The following ATG16L2 variants were observed in gnomAD, a reference collection of about 807,000 sequenced individuals.
The protein encoded by ATG16L2 is autophagy related 16 like 2.
A neutral mutation model predicts 84.7 loss-of-function variants in ATG16L2; 77 were observed. That is an observed-to-expected ratio of 0.91 (90% CI 0.76 to 1.10). ATG16L2 has a LOEUF of 1.10. Ranked by LOEUF, ATG16L2 falls within the 50% of genes least tolerant of loss-of-function variation. The probability of loss-of-function intolerance (pLI) is 0.00; values close to 1 mark genes in which losing one functional copy is unlikely to be tolerated. For missense variants in ATG16L2, 782 were observed against 817.6 expected (o/e 0.96, Z 0.53); for synonymous variants, 361 against 342.8 (o/e 1.05, Z -0.59).
At position 72,816,790 on chromosome 11, in the gene ATG16L2, CCAAA is replaced by C; in HGVS notation, c.184_187del (p.Asn62ValfsTer27). On this transcript the variant is annotated frameshift_variant, in exon 2 of 18. Transcript: ENST00000321297. LOFTEE classifies it high-confidence loss of function. ...GTTCTCAAAGAAGCTGCAGCCGGAG[CCAAA>C]CAGTGTCACTCCCACCACCCACCAG... 6.2e-7 allele frequency: 1 copy of C among 1,614,232 alleles called. No individual in the cohort carries two copies. The highest frequency in any genetic ancestry group is 8.5e-7 in the Non-Finnish European group (1 of 1,180,032).
In ATG16L2 at chr11:72,825,332, C is replaced by T. The variant is rs143377298; in HGVS notation, c.1027C>T (p.Arg343Cys). 56 of 1,613,454 alleles carry T rather than the reference C, an allele frequency of 3.5e-5. No individual in the cohort carries two copies. Among genetic ancestry groups the T allele is most frequent in the Non-Finnish European group, 4.4e-5 (52 of 1,179,980 alleles). Residue 343 changes from arginine to cysteine, a missense_variant, in exon 10 of 18, where the codon CGT (arginine) becomes TGT (cysteine). Transcript: ENST00000321297. ...CCACCTCTCTGAGGTCAATGCTGTTCGTTTTGGCCCCAACAGCAGCCTCCT... is the reference window on the plus strand; with the variant it reads ...CCACCTCTCTGAGGTCAATGCTGTTTGTTTTGGCCCCAACAGCAGCCTCCT... ...DAHLSEVNAV[R>C]FGPNSSLLAT...
At chr11:72,837,492 G>A (rs1029649350) in intron 5 of ATG16L2, 2 of 150,794 alleles carry the variant, frequency 1.3e-5, no homozygotes, top group South Asian at 2.1e-4. Context: ...AACCACAACC[G>A]GCGAACATCC....
chr11:72,836,323 G>A (rs1464880022), intron 5 of ATG16L2, among the ~76,000 whole-genome samples: 1 of 152,158 alleles, frequency 6.6e-6, no homozygotes, highest in Non-Finnish European at 1.5e-5. Context: ...TAGGAAAGGG[G>A]AGAGGCATCC....
Position 72,822,075 on chromosome 11 carries a change from C to A in ATG16L2, c.424C>A (p.Leu142Met), listed in dbSNP as rs1860027908. The A allele has an allele frequency of 1.3e-6, 2 of 1,528,176 alleles. No individual in the cohort carries two copies. Among genetic ancestry groups the A allele is most frequent in the East Asian group, 2.5e-5 (1 of 40,442 alleles). 94.7% of individuals were successfully genotyped at this position (1,528,176 alleles called of 1,614,324 possible). A position where few individuals can be genotyped will look rare whatever the true frequency, so the allele number is the denominator to read the frequency against. The change falls in exon 5 of 18, where the codon CTG becomes ATG. Residue 142 changes from leucine (L) to methionine (M), a missense_variant. Leu to Met is a conservative substitution (Grantham distance 15). Transcript: ENST00000321297. The surrounding 1 kb of genome is among the most constrained non-coding windows in gnomAD (Gnocchi z 4.2). ...LAALEARVAQ[L>M]REARAQQAQQ... Reference sequence around the variant, plus strand: ...AGCCCTGGAGGCCCGCGTGGCGCAGCTGCGAGAGGCGCGGGCGCAGCAGGC... The same window carrying A: ...AGCCCTGGAGGCCCGCGTGGCGCAGATGCGAGAGGCGCGGGCGCAGCAGGC...
Position 72,816,759 on chromosome 11 carries a change from G to T in ATG16L2, c.150G>T (p.Leu50=), listed in dbSNP as rs750620083. 3 of 1,614,196 alleles carry T rather than the reference G, an allele frequency of 1.9e-6. No homozygotes were observed. In the Admixed American group the frequency reaches 5.0e-5, roughly 27 times the overall value. Residue 50 remains leucine, a synonymous_variant, in exon 2 of 18, where the codon CTG becomes CTT. Transcript: ENST00000321297. ...YNHLLEKAEL[L]DKFSKKLQPE... ...ATCTCTTAGAGAAGGCTGAGCTGCT[G>T]GACAAGTTCTCAAAGAAGCTGCAGC...
rs757189973 is a variant in ATG16L2, at chr11:72,841,559, C to T, written c.*22-1058C>T. ...TACAACGGCAGTGGAGGCAGGGAGGCGTGTGGCTTGGGGGAAGGAGAGATC... is the reference window on the plus strand; with the variant it reads ...TACAACGGCAGTGGAGGCAGGGAGGTGTGTGGCTTGGGGGAAGGAGAGATC... On this transcript the variant is annotated intron_variant, in intron 5 of 5. Transcript: ENST00000534905. The T allele has an allele frequency of 1.4e-5, 22 of 1,609,148 alleles. No homozygotes were observed. The highest frequency in any genetic ancestry group is 1.4e-4 in the Admixed American group (8 of 59,096).
At chr11:72,821,829 G>T in intron 4 of ATG16L2, 88 bp downstream of exon 4, 1 of 1,481,412 alleles carries the variant, frequency 6.8e-7, no homozygotes, top group Non-Finnish European at 9.0e-7. Context: ...AATGGCGCGG[G>T]CCGAGATCTT....
chr11:72,828,934 C>G lies in ATG16L2; in HGVS notation c.1722C>G (p.Ile574Met). The change falls in exon 17 of 18, where the codon ATC (isoleucine) becomes ATG (methionine). Residue 574 changes from isoleucine to methionine, a missense_variant. Coordinates refer to ENST00000321297, the MANE Select transcript of ATG16L2 (RefSeq NM_033388.2). ...LAGSCDGALY[I>M]WDVDTGKLES... is the part of the protein sequence containing the mutation. ...GCTCCTGTGATGGGGCCCTTTACAT[C>G]TGGGATGTGGACACCGGGAAACTGG... 1 of 1,614,174 alleles carries G rather than the reference C, an allele frequency of 6.2e-7. No homozygotes were observed. The highest frequency in any genetic ancestry group is 8.5e-7 in the Non-Finnish European group (1 of 1,180,016).
At chr11:72,827,755 A>G (rs1243732354) in intron 14 of ATG16L2, among the ~76,000 whole-genome samples, 3 of 152,124 alleles carry the variant, frequency 2.0e-5, no homozygotes, top group South Asian at 4.1e-4. Context: ...CCTAGCCAAC[A>G]TGGCGAAACC....
intron 7 of ATG16L2, 115 bp from the exon 8 acceptor site, chr11:72,823,945 C>A (rs1860173133): frequency 8.5e-7 from 1 of 1,178,096 alleles, no homozygotes. Context: ...AGTTCTTATC[C>A]CAGACTTGAG....
Position 72,821,718 on chromosome 11 carries a change from G to T in ATG16L2, c.369G>T (p.Ser123=). Residue 123 remains serine, a synonymous_variant, in exon 4 of 18, where the codon TCG becomes TCT. Coordinates refer to ENST00000321297, the MANE Select transcript of ATG16L2 (RefSeq NM_033388.2). ...GCGCGGCCCTGGGCACGCTGGAGTC[G>T]GAGCTGCAGCAGAGGCAAAGCAGGT... is the stretch of plus-strand genomic sequence containing the variant. ...EKGAALGTLE[S]ELQQRQSRLA... The T allele has an allele frequency of 6.5e-7, 1 of 1,537,664 alleles. No homozygotes were observed.
rs1409939452 is a variant in ATG16L2 at position 72,822,141 on chromosome 11, C to T, written c.490C>T (p.Arg164Trp). The change falls in exon 5 of 18, where the codon CGG becomes TGG. Residue 164 changes from arginine to tryptophan, a missense_variant. Transcript: ENST00000321297. The surrounding 1 kb of genome is among the most constrained non-coding windows in gnomAD (Gnocchi z 4.2). The stretch of plus-strand genomic sequence containing the variant: ...GTGGCGGGCGCAGAATGCGGTGCAG[C>T]GGGCAGCCTACGAGGCGCTGCGCGC... ...EEWRAQNAVQ[R>W]AAYEALRAHV... The T allele has an allele frequency of 8.0e-6, 12 of 1,500,528 alleles. No homozygotes were observed. Among genetic ancestry groups the T allele is most frequent in the East Asian group, 2.5e-5 (1 of 39,384 alleles). 93.0% of individuals were successfully genotyped at this position (1,500,528 alleles called of 1,614,324 possible). A position where few individuals can be genotyped will look rare whatever the true frequency, so the allele number is the denominator to read the frequency against.
chr11:72,826,098 C>A, intron 10 of ATG16L2, 75 bp from the exon 11 acceptor site: 2 of 1,261,054 alleles, frequency 1.6e-6, no homozygotes, highest in Admixed American at 4.0e-5. Context: ...ACTGATCTTC[C>A]GCTCTCAATC....
chr11:72,828,034 T>G (rs1048762179), intron 14 of ATG16L2, among the ~76,000 whole-genome samples: 1 of 152,246 alleles, frequency 6.6e-6, no homozygotes, highest in East Asian at 1.9e-4. Context: ...CTCCAGCAAT[T>G]ACTGTTTGCA....
In ATG16L2 at chr11:72,836,447, T is replaced by C. The variant is rs1159572720; in HGVS notation, c.*22-6170T>C. Among the ~76,000 whole-genome samples the C allele has an allele frequency of 2.6e-5, 4 of 152,148 alleles. No individual in the cohort carries two copies. The East Asian group carries it at 7.7e-4, about 29-fold the overall frequency. Reference sequence around the variant, plus strand: ...GCTCCCTCCTCAGCTGCCTCTATGCTATCTGCCCCTCCCTTCTAGCACATG... The same window carrying C: ...GCTCCCTCCTCAGCTGCCTCTATGCCATCTGCCCCTCCCTTCTAGCACATG... On this transcript the variant is annotated intron_variant, in intron 5 of 5. Coordinates refer to the ATG16L2 transcript ENST00000534905.
At position 72,822,659 on chromosome 11, in the gene ATG16L2, T is replaced by A; in HGVS notation, c.710+116T>A. On this transcript the variant is annotated intron_variant, in intron 6 of 17. Transcript: ENST00000321297. This position sits in a 1 kb window ranked among gnomAD's most constrained non-coding sequence, Gnocchi z 4.2. ...ACAGCCCCGTCCTGAGGCCCCCATGTGGTCGGAGCCCACGAGACACCTGCA... is the reference window on the plus strand; with the variant it reads ...ACAGCCCCGTCCTGAGGCCCCCATGAGGTCGGAGCCCACGAGACACCTGCA... 7.2e-7 allele frequency: 1 copy of A among 1,395,254 alleles called. No individual in the cohort carries two copies. Among genetic ancestry groups the A allele is most frequent in the Non-Finnish European group, 9.8e-7 (1 of 1,023,668 alleles). 86.4% of individuals were successfully genotyped at this position (1,395,254 alleles called of 1,614,324 possible).
chr11:72,840,313 A>T (rs1399098575), intron 5 of ATG16L2, among the ~76,000 whole-genome samples: 1 of 152,212 alleles, frequency 6.6e-6, no homozygotes, highest in Non-Finnish European at 1.5e-5. Context: ...AAGGAATGGT[A>T]TCAAAAGCTA....
chr11:72,830,288 G>A (rs542031385), downstream of ATG16L2, among the ~76,000 whole-genome samples: 22 of 152,282 alleles, frequency 1.4e-4, no homozygotes, highest in African/African-American at 1.9e-4. Flanking sequence ...CTGACTCCCA[G>A]ACCACTCACT....
At chr11:72,816,329 C>A (rs1351022071) in intron 1 of ATG16L2, 1 of 160,900 alleles carries the variant, frequency 6.2e-6, no homozygotes, top group Non-Finnish European at 1.4e-5. Context: ...GGGGAAGTGA[C>A]TTGCCAAAGG....
Sources: allele counts gnomAD v4.1 joint callset (sites outside exome capture counted in the v4.1 genomes callset), GRCh38; gene constraint gnomAD v4.1.1; non-coding constraint Gnocchi (gnomAD v3.1); transcripts MANE v1.5; gene names NCBI Gene and HGNC (gene_info 2026-07-23, HGNC 2026-07-21).